The following CCDC39 variants were observed in gnomAD, a reference collection of about 807,000 sequenced individuals.
CCDC39 encodes the protein coiled-coil domain-containing protein 39.
A neutral mutation model predicts 121.0 loss-of-function variants in CCDC39; 113 were observed. That is an observed-to-expected ratio of 0.93 (90% confidence interval 0.80 to 1.09). The LOEUF is 1.09. Among genes scored for constraint, CCDC39 ranks in the 50% least tolerant of loss-of-function variants. The pLI is 0.00. For missense variants in CCDC39, 1,063 were observed against 1,074.7 expected (o/e 0.99, Z 0.15); for synonymous variants, 349 against 352.2 (o/e 0.99, Z 0.10).
chr3:180,649,181 C>T (rs1338586079), intron 9 of CCDC39, among the ~76,000 whole-genome samples: 1 of 152,090 alleles, frequency 6.6e-6, no homozygotes, highest in Non-Finnish European at 1.5e-5. Context: ...ACAGGAACTA[C>T]CTGTCACTCA....
intron 1 of CCDC39, among the ~76,000 whole-genome samples, chr3:180,672,907 T>C (rs1310121460): frequency 1.3e-5 from 2 of 152,302 alleles, no homozygotes; most frequent in Non-Finnish European, 2.9e-5. Flanking sequence ...TTGGTATTAA[T>C]AGGAGTTTAG....
chr3:180,642,765 A>G, intron 12 of CCDC39, among the ~76,000 whole-genome samples: 1 of 152,146 alleles, frequency 6.6e-6, no homozygotes, highest in East Asian at 1.9e-4. Context: ...ATCTTAAGAG[A>G]TGAAATCAAC....
At chr3:180,662,137 C>G in intron 2 of CCDC39, 130 bp from the exon 3 acceptor site, 2 of 779,376 alleles carry the variant, frequency 2.6e-6, no homozygotes, top group Non-Finnish European at 4.0e-6. Context: ...ACTAATTCCA[C>G]TACTCTAAAA....
intron 1 of CCDC39, among the ~76,000 whole-genome samples, chr3:180,666,272 G>A (rs535904999): frequency 6.6e-5 from 10 of 152,134 alleles, no homozygotes; most frequent in South Asian, 4.2e-4. Flanking sequence ...TTCAAGTTTC[G>A]TCATTGACTT....
intron 16 of CCDC39, 28 bp downstream of exon 16, chr3:180,619,231 T>A: frequency 9.6e-7 from 1 of 1,046,066 alleles, no homozygotes; most frequent in Non-Finnish European, 1.5e-6. Context: ...ATTGAAGGCA[T>A]ATTACTAAAA....
At chr3:180,620,644 A>G (rs780207444) in intron 14 of CCDC39, among the ~76,000 whole-genome samples, 7 of 152,024 alleles carry the variant, frequency 4.6e-5, no homozygotes, top group Non-Finnish European at 1.0e-4. Context: ...ATACATATAT[A>G]TGTGTATATA....
intron 1 of CCDC39, among the ~76,000 whole-genome samples, chr3:180,678,071 C>G (rs933299339): frequency 6.6e-6 from 1 of 152,068 alleles, no homozygotes; most frequent in Non-Finnish European, 1.5e-5. Flanking sequence ...TTGGATGGAA[C>G]CTTAACCCAT....
chr3:180,625,058 G>T (rs148883268), intron 14 of CCDC39, among the ~76,000 whole-genome samples: 1 of 151,930 alleles, frequency 6.6e-6, no homozygotes, highest in Non-Finnish European at 1.5e-5. Context: ...TTGTGTCTCG[G>T]CGTCTAACTC....
chr3:180,639,269 T>A (rs2108417335), intron 13 of CCDC39, among the ~76,000 whole-genome samples: 1 of 152,284 alleles, frequency 6.6e-6, no homozygotes, highest in East Asian at 1.9e-4. Flanking sequence ...CATAAAGTTT[T>A]AATGGAAAAT....
intron 14 of CCDC39, among the ~76,000 whole-genome samples, chr3:180,622,682 G>C (rs972802690): frequency 6.6e-6 from 1 of 151,938 alleles, no homozygotes; most frequent in Non-Finnish European, 1.5e-5. Flanking sequence ...TATGATTTTT[G>C]TCTTTAATTG....
Position 180,679,372 on chromosome 3 carries a change from G to A in CCDC39, c.9C>T (p.Ser3=), listed in dbSNP as rs540762763. Reference sequence around the variant, plus strand: ...CCCAGTGCAGCTCAGCCAGGAATTCGCTACTCATGACTGCAAACGGATAGA... The same window carrying A: ...CCCAGTGCAGCTCAGCCAGGAATTCACTACTCATGACTGCAAACGGATAGA... The part of the protein sequence containing the change: MS[S]EFLAELHWED... Residue 3 remains serine (S), a synonymous_variant, in exon 1 of 20, where the codon AGC becomes AGT. Transcript: ENST00000476379. This position sits in a 1 kb window ranked among gnomAD's most constrained non-coding sequence, Gnocchi z 4.0. The A allele has an allele frequency of 6.8e-5, 110 of 1,613,688 alleles. No individual in the cohort carries two copies. Among genetic ancestry groups the A allele is most frequent in the Middle Eastern group, 5.0e-4 (3 of 6,058 alleles).
At chr3:180,658,692 G>A (rs999876736) in intron 6 of CCDC39, among the ~76,000 whole-genome samples, 1 of 151,962 alleles carries the variant, frequency 6.6e-6, no homozygotes, top group African/African-American at 2.4e-5. Flanking sequence ...TTGATAAAAT[G>A]TTGGTTACTT....
intron 9 of CCDC39, among the ~76,000 whole-genome samples, chr3:180,650,894 A>T (rs1212295413): frequency 1.3e-5 from 2 of 151,552 alleles, no homozygotes; most frequent in African/African-American, 4.8e-5. Context: ...AATAAATACA[A>T]AGACATCAAA....
At chr3:180,633,858 C>G (rs2108414487) in intron 13 of CCDC39, among the ~76,000 whole-genome samples, 1 of 152,302 alleles carries the variant, frequency 6.6e-6, no homozygotes, top group South Asian at 2.1e-4. Context: ...GGGGCCCCAG[C>G]CCGTGACCAC....
chr3:180,615,943 A>T (rs933162827), intron 19 of CCDC39, among the ~76,000 whole-genome samples: 3 of 152,198 alleles, frequency 2.0e-5, no homozygotes, highest in Admixed American at 6.5e-5. Context: ...ACATGTTTTT[A>T]AAAAAATTCC....
At chr3:180,652,651 A>G (rs1259711889) in intron 7 of CCDC39, among the ~76,000 whole-genome samples, 1 of 152,168 alleles carries the variant, frequency 6.6e-6, no homozygotes, top group African/African-American at 2.4e-5. Context: ...CAGACTTCTA[A>G]TAACTACATT....
intron 16 of CCDC39, among the ~76,000 whole-genome samples, chr3:180,618,935 T>G (rs1470491349): frequency 6.6e-6 from 1 of 152,156 alleles, no homozygotes; most frequent in African/African-American, 2.4e-5. Flanking sequence ...TCAAACTATT[T>G]TGTTTTAAGG....
intron 14 of CCDC39, among the ~76,000 whole-genome samples, chr3:180,623,171 G>A (rs996815692): frequency 8.0e-5 from 12 of 150,468 alleles, no homozygotes; most frequent in African/African-American, 2.9e-4. Context: ...GTTTCTTCCT[G>A]GTTCAACCTT....
intron 1 of CCDC39, among the ~76,000 whole-genome samples, chr3:180,672,108 G>C (rs1215040948): frequency 6.6e-6 from 1 of 152,166 alleles, no homozygotes; most frequent in African/African-American, 2.4e-5. Flanking sequence ...TGCAGCCGGT[G>C]ACTTTAAGTT....
Sources: allele counts gnomAD v4.1 joint callset (sites outside exome capture counted in the v4.1 genomes callset), GRCh38; gene constraint gnomAD v4.1.1; non-coding constraint Gnocchi (gnomAD v3.1); transcripts MANE v1.5; gene names NCBI Gene and HGNC (gene_info 2026-07-23, HGNC 2026-07-21).